SHQ1: variants seen among roughly 807,000 people sequenced by gnomAD.
SHQ1 encodes the protein SHQ1, H/ACA ribonucleoprotein assembly factor.
Under a neutral mutation model 53.8 loss-of-function variants are expected in SHQ1, and 49 were observed. That is an observed-to-expected ratio of 0.91 (90% confidence interval 0.72 to 1.16). The LOEUF (loss-of-function observed/expected upper bound fraction) is 1.16, where lower values mean the gene tolerates loss of function less well. SHQ1 is among the 50% of genes most tolerant of loss of function. The pLI is 0.00. For missense variants in SHQ1, 738 were observed against 683.1 expected (o/e 1.08, Z -0.90); for synonymous variants, 243 against 251.0 (o/e 0.97, Z 0.30).
At chr3:72,760,763 T>A (rs1705593855) in intron 10 of SHQ1, among the ~76,000 whole-genome samples, 1 of 152,348 alleles carries the variant, frequency 6.6e-6, no homozygotes, top group East Asian at 1.9e-4. Flanking sequence ...TTGACTGTGA[T>A]GTACTAAGCT....
intron 5 of SHQ1, among the ~76,000 whole-genome samples, chr3:72,827,731 A>T (rs1707702054): frequency 6.7e-6 from 1 of 148,230 alleles, no homozygotes. Context: ...TTTTCATCTG[A>T]GATCTCAATT....
chr3:72,805,867 T>A (rs1464920625), intron 9 of SHQ1, among the ~76,000 whole-genome samples: 1 of 152,156 alleles, frequency 6.6e-6, no homozygotes, highest in Non-Finnish European at 1.5e-5. Flanking sequence ...GGGAAATGCT[T>A]CCCTCTATGG....
At chr3:72,740,852 C>T in the SHQ1 span, among the ~76,000 whole-genome samples, 1 of 152,198 alleles carries the variant, frequency 6.6e-6, no homozygotes, top group Admixed American at 6.5e-5. Context: ...TTCTCCATTA[C>T]ATAGATCCTC....
intron 4 of SHQ1, among the ~76,000 whole-genome samples, chr3:72,837,744 C>A (rs1196631477): frequency 6.6e-6 from 1 of 152,214 alleles, no homozygotes; most frequent in East Asian, 1.9e-4. Context: ...CTGCTTTACT[C>A]ATAGAATTAG....
At chr3:72,775,708 A>AG (rs1705945325) in intron 10 of SHQ1, among the ~76,000 whole-genome samples, 1 of 152,196 alleles carries the variant, frequency 6.6e-6, no homozygotes, top group Non-Finnish European at 1.5e-5. Context: ...TAATCAAGAT[A>AG]GGTTTATCCC....
chr3:72,728,842 C>A, the SHQ1 span, among the ~76,000 whole-genome samples: 1 of 152,218 alleles, frequency 6.6e-6, no homozygotes, highest in Non-Finnish European at 1.5e-5. Flanking sequence ...GAGGGGTTCA[C>A]TACAGGGCCA....
At chr3:72,748,329 CAAAAAAAA>C (rs572927520), downstream of SHQ1, among the ~76,000 whole-genome samples, 74 of 58,784 alleles carry the variant, frequency 1.3e-3, 1 homozygote, top group Middle Eastern at 0.019. Context: ...ATGAGGCATG[CAAAAAAAA>C]AAAAAAAAAA....
chr3:72,788,668 T>G (rs1348863112), intron 10 of SHQ1, among the ~76,000 whole-genome samples: 1 of 152,156 alleles, frequency 6.6e-6, no homozygotes, highest in African/African-American at 2.4e-5. Flanking sequence ...GAAAGAGAGA[T>G]CAGATTGTTA....
chr3:72,772,684 G>C (rs1705880104), intron 10 of SHQ1: 13 of 724,962 alleles, frequency 1.8e-5, no homozygotes, highest in Non-Finnish European at 2.8e-5. Flanking sequence ...CATCAAGTAA[G>C]AGCTTGATGG....
chr3:72,765,615 G>A (rs1343779105), intron 10 of SHQ1, among the ~76,000 whole-genome samples: 3 of 143,614 alleles, frequency 2.1e-5, no homozygotes, highest in Non-Finnish European at 4.5e-5. Context: ...GTGCAGTGGT[G>A]CAATCTCGGC....
intron 10 of SHQ1, among the ~76,000 whole-genome samples, chr3:72,780,563 G>A (rs933472468): frequency 6.6e-6 from 1 of 152,124 alleles, no homozygotes; most frequent in Non-Finnish European, 1.5e-5. Context: ...TATGCGAGAA[G>A]GTGTTTTATT....
the SHQ1 span, among the ~76,000 whole-genome samples, chr3:72,732,384 G>GCCTTCCTT: frequency 6.8e-3 from 586 of 85,742 alleles, no homozygotes; most frequent in Middle Eastern, 0.011. Flanking sequence ...CTGCCTGCCT[G>GCCTTCCTT]CCTGCCTTCC....
chr3:72,825,747 A>G (rs1381591281), intron 5 of SHQ1, among the ~76,000 whole-genome samples: 2 of 152,186 alleles, frequency 1.3e-5, no homozygotes, highest in Non-Finnish European at 2.9e-5. Flanking sequence ...GCTTTGATAC[A>G]CTGAATTTTC....
rs559942566 is a variant in SHQ1, at chr3:72,817,254, G to T, written c.858C>A (p.Thr286=). The part of the protein sequence containing the change: ...IDILLAYCYE[T]RVTEGEKNVE... ...CATTCTTCTCTCCTTCAGTGACACG[G>T]GTTTCATAGCAATATGCCAGAAGGA... The change falls in exon 7 of 11, where the codon ACC becomes ACA. Residue 286 remains threonine, a synonymous_variant. Transcript: ENST00000325599. The T allele has an allele frequency of 1.2e-6, 2 of 1,613,428 alleles. No individual in the cohort carries two copies. The highest frequency in any genetic ancestry group is 1.3e-5 in the African/African-American group (1 of 75,010).
intron 10 of SHQ1, chr3:72,753,221 TA>T: frequency 2.0e-6 from 2 of 985,350 alleles, no homozygotes; most frequent in Non-Finnish European, 2.4e-6. Context: ...CTCCAAAGAT[TA>T]AATGAACATA....
chr3:72,817,215 C>CA lies in SHQ1; in HGVS notation c.882+14dup. On this transcript the variant is annotated intron_variant, in intron 7 of 10. Coordinates refer to ENST00000325599, the MANE Select transcript of SHQ1 (RefSeq NM_018130.3). The stretch of plus-strand genomic sequence containing the variant: ...ACAGTCATCTATGGCAACATGCACA[C>CA]ATACATGCACTTACATTCTTCTCTC... 1.2e-6 allele frequency: 2 copies of CA among 1,607,572 alleles called. No homozygotes were observed. Among genetic ancestry groups the CA allele is most frequent in the Non-Finnish European group, 1.7e-6 (2 of 1,176,832 alleles).
At chr3:72,784,815 G>T (rs959356943) in intron 10 of SHQ1, among the ~76,000 whole-genome samples, 4 of 152,140 alleles carry the variant, frequency 2.6e-5, no homozygotes, top group Non-Finnish European at 4.4e-5. Context: ...CTTCCACTCT[G>T]TAGATTTATT....
intron 9 of SHQ1, among the ~76,000 whole-genome samples, chr3:72,796,928 TAAA>T (rs60237295): frequency 1.7e-5 from 2 of 119,874 alleles, no homozygotes; most frequent in African/African-American, 3.1e-5. Flanking sequence ...CCTATTTTCT[TAAA>T]AAAAAAAAAA....
chr3:72,765,558 T>TATATATATATA (rs1491541493), intron 10 of SHQ1, among the ~76,000 whole-genome samples: 3 of 63,456 alleles, frequency 4.7e-5, no homozygotes, highest in East Asian at 7.9e-4. Flanking sequence ...TATATATATA[T>TATATATATATA]TTTTTTTTTT....
Sources: gnomAD v4.1 joint callset for allele counts (sites outside exome capture counted in the v4.1 genomes callset) on GRCh38, gnomAD v4.1.1 for gene constraint, MANE v1.5 for transcripts, NCBI Gene and HGNC (gene_info 2026-07-23, HGNC 2026-07-21) for gene names.